Variants in NOX4 observed in about 807,000 individuals in gnomAD.
The protein encoded by NOX4 is kidney oxidase-1.
Under a neutral mutation model 87.6 loss-of-function variants are expected in NOX4, and 69 were observed. The ratio of observed to expected loss-of-function variants is 0.79; its 90% CI spans 0.65 to 0.96. The LOEUF is 0.96. NOX4 is among the 40% of genes least tolerant of loss of function. NOX4 has a pLI of 0.00. For synonymous variants in NOX4, 275 were observed against 238.2 expected (o/e 1.15, Z -1.42); for missense variants, 680 against 681.5 (o/e 1.00, Z 0.02).
Position 89,418,078 on chromosome 11 carries a change from G to A in NOX4, c.629+3824C>T, listed in dbSNP as rs201534814. ...TTATTTATAAAAAATGAAGAAAATC[G>A]CTAAAATATACAACAAGAATGAAAA... is the stretch of plus-strand genomic sequence containing the variant. On this transcript the variant is annotated intron_variant, in intron 8 of 17. Transcript: ENST00000263317. Among the ~76,000 whole-genome samples, 36 of 152,024 alleles carry A rather than the reference G, an allele frequency of 2.4e-4. No homozygotes were observed. In the East Asian group the frequency reaches 3.9e-3, roughly 16 times the overall value.
At chr11:89,366,700 GA>G (rs11314993) in intron 12 of NOX4, among the ~76,000 whole-genome samples, 63,310 of 113,378 alleles carry the variant, frequency 0.56, 15,187 homozygotes, top group African/African-American at 0.69. Flanking sequence ...AAACTGAAAA[GA>G]AAAAAAAAAA....
the NOX4 span, among the ~76,000 whole-genome samples, chr11:89,512,910 T>C: frequency 1.3e-5 from 2 of 152,124 alleles, no homozygotes. Flanking sequence ...CACCACTGTA[T>C]GAGTAGCATC....
chr11:89,386,987 A>G (rs1205137287), intron 11 of NOX4, among the ~76,000 whole-genome samples: 2 of 151,984 alleles, frequency 1.3e-5, no homozygotes, highest in Non-Finnish European at 2.9e-5. Context: ...TCTTCTAACA[A>G]TCCCACAATA....
chr11:89,550,126 G>A, the NOX4 span, among the ~76,000 whole-genome samples: 7 of 151,832 alleles, frequency 4.6e-5, no homozygotes, highest in Non-Finnish European at 8.8e-5. Context: ...CAGTGTAAAA[G>A]TGTCCCTATT....
intron 11 of NOX4, among the ~76,000 whole-genome samples, chr11:89,396,340 T>C (rs1245628826): frequency 6.6e-6 from 1 of 152,178 alleles, no homozygotes; most frequent in African/African-American, 2.4e-5. Flanking sequence ...TTTATGATTT[T>C]TGCACATTGA....
chr11:89,477,106 T>G (rs1946197502), intron 2 of NOX4, among the ~76,000 whole-genome samples: 1 of 152,268 alleles, frequency 6.6e-6, no homozygotes, highest in South Asian at 2.1e-4. Context: ...ACATTTATTG[T>G]GCACTTCATT....
intron 2 of NOX4, among the ~76,000 whole-genome samples, chr11:89,453,491 A>G (rs1427646120): frequency 1.3e-5 from 2 of 152,232 alleles, no homozygotes; most frequent in East Asian, 3.9e-4. Context: ...GCTAACTTAA[A>G]GCATTATCTT....
intron 11 of NOX4, among the ~76,000 whole-genome samples, chr11:89,391,482 G>C (rs1293547122): frequency 6.6e-6 from 1 of 152,114 alleles, no homozygotes; most frequent in Non-Finnish European, 1.5e-5. Flanking sequence ...TTGGCGGCAT[G>C]GGGTGGCTCA....
At chr11:89,484,752 T>TAAACAAGA (rs1946523799) in intron 2 of NOX4, among the ~76,000 whole-genome samples, 1 of 152,152 alleles carries the variant, frequency 6.6e-6, no homozygotes, top group Admixed American at 6.6e-5. Flanking sequence ...CAAAGAAATA[T>TAAACAAGA]AACCCATTTC....
chr11:89,520,619 T>C, the NOX4 span, among the ~76,000 whole-genome samples: 1 of 152,098 alleles, frequency 6.6e-6, no homozygotes, highest in South Asian at 2.1e-4. Context: ...ACTGGAAGCA[T>C]TCCCCTGGAG....
At chr11:89,492,448 A>C (rs1946882837), upstream of NOX4, among the ~76,000 whole-genome samples, 1 of 152,250 alleles carries the variant, frequency 6.6e-6, no homozygotes, top group African/African-American at 2.4e-5. Flanking sequence ...ATTAAAACTA[A>C]AATTTCAAAA....
At chr11:89,405,103 T>C (rs1391778690) in intron 8 of NOX4, among the ~76,000 whole-genome samples, 1 of 151,556 alleles carries the variant, frequency 6.6e-6, no homozygotes, top group African/African-American at 2.4e-5. Context: ...TGTGTGTGTG[T>C]GTGTGTGTGT....
rs576232020 is a variant in NOX4 at position 89,412,671 on chromosome 11, T to TA, written c.629+9230dup. On this transcript the variant is annotated intron_variant, in intron 8 of 17. Transcript: ENST00000263317. ...ACTAGATCTCTATCTCTTCCTAAATTAAAAAAATCAAAATTGATTGAAGAC... is the reference window on the plus strand; with the variant it reads ...ACTAGATCTCTATCTCTTCCTAAATTAAAAAAAATCAAAATTGATTGAAGAC... Among the ~76,000 whole-genome samples, 38 of 151,970 alleles carry TA rather than the reference T, an allele frequency of 2.5e-4. No individual in the cohort carries two copies. In the South Asian group the frequency reaches 7.5e-3, roughly 30 times the overall value.
chr11:89,427,272 A>G (rs1387925036), intron 7 of NOX4, among the ~76,000 whole-genome samples: 1 of 152,142 alleles, frequency 6.6e-6, no homozygotes, highest in East Asian at 1.9e-4. Flanking sequence ...AAGATGGGGA[A>G]AAAAACAGAG....
At chr11:89,339,204 C>T (rs770338235) in intron 15 of NOX4, among the ~76,000 whole-genome samples, 3 of 152,062 alleles carry the variant, frequency 2.0e-5, no homozygotes, top group Admixed American at 6.6e-5. Context: ...GTTCAGTAAA[C>T]TAGATAAATC....
intron 11 of NOX4, among the ~76,000 whole-genome samples, chr11:89,391,413 A>T (rs1941110394): frequency 6.6e-6 from 1 of 152,090 alleles, no homozygotes; most frequent in Non-Finnish European, 1.5e-5. Flanking sequence ...CCAGGGTGAG[A>T]CCCAAAAGTG....
At chr11:89,328,644 C>T (rs1310871153) in intron 17 of NOX4, among the ~76,000 whole-genome samples, 10 of 152,098 alleles carry the variant, frequency 6.6e-5, no homozygotes, top group African/African-American at 2.2e-4. Context: ...AAAGTATGAA[C>T]TATAACTAAG....
intron 6 of NOX4, among the ~76,000 whole-genome samples, chr11:89,439,118 CTT>C (rs1944346408): frequency 1.4e-5 from 2 of 145,480 alleles, no homozygotes; most frequent in African/African-American, 5.0e-5. Context: ...TAACAAATCT[CTT>C]TGTGTCTTTG....
chr11:89,431,825 A>G (rs1391415384), intron 7 of NOX4, among the ~76,000 whole-genome samples: 1 of 152,178 alleles, frequency 6.6e-6, no homozygotes, highest in Admixed American at 6.5e-5. Context: ...TAGAAATACC[A>G]TTTGACCCAG....
Sources: allele counts gnomAD v4.1 joint callset (sites outside exome capture counted in the v4.1 genomes callset), GRCh38; gene constraint gnomAD v4.1.1; transcripts MANE v1.5; gene names NCBI Gene and HGNC (gene_info 2026-07-23, HGNC 2026-07-21).